The following MPDZ variants were observed in gnomAD, a reference collection of about 807,000 sequenced individuals.
The protein encoded by MPDZ is multiple PDZ domain protein.
MPDZ carries 234 observed loss-of-function variants against 239.1 expected under a neutral mutation model. The observed-to-expected ratio is 0.98, with a 90% CI of 0.88 to 1.09. The LOEUF is 1.09. Among genes scored for constraint, MPDZ ranks in the 50% least tolerant of loss-of-function variants. MPDZ has a pLI of 0.00. For synonymous variants in MPDZ, 1,048 were observed against 881.3 expected, an observed-to-expected ratio of 1.19 and a Z score of -3.35; for missense variants, 3,175 against 2,510.0, an observed-to-expected ratio of 1.26 and a Z score of -5.66.
chr9:13,127,510 T>C (rs567509968), intron 32 of MPDZ, among the ~76,000 whole-genome samples: 1 of 152,226 alleles, frequency 6.6e-6, no homozygotes, highest in African/African-American at 2.4e-5. Context: ...TTGCCAGAGC[T>C]AGCCACCTTC....
At chr9:13,172,820 C>T (rs1951969727) in intron 21 of MPDZ, among the ~76,000 whole-genome samples, 1 of 152,160 alleles carries the variant, frequency 6.6e-6, no homozygotes, top group Non-Finnish European at 1.5e-5. Flanking sequence ...TCACTGTTTT[C>T]TTCCAATAAC....
At chr9:13,154,863 T>C (rs1949631332) in intron 24 of MPDZ, among the ~76,000 whole-genome samples, 1 of 152,080 alleles carries the variant, frequency 6.6e-6, no homozygotes, top group Non-Finnish European at 1.5e-5. Flanking sequence ...AAAATGATCA[T>C]ATGATGTGGT....
At chr9:13,241,896 A>G (rs1965498524) in intron 3 of MPDZ, among the ~76,000 whole-genome samples, 1 of 152,186 alleles carries the variant, frequency 6.6e-6, no homozygotes, top group African/African-American at 2.4e-5. Context: ...TCCACCTAAC[A>G]AACTCTGCTT....
chr9:13,160,518 T>C (rs1950331873), intron 23 of MPDZ, among the ~76,000 whole-genome samples: 1 of 152,000 alleles, frequency 6.6e-6, no homozygotes, highest in African/African-American at 2.4e-5. Flanking sequence ...AGATGTTACC[T>C]GGTGTATTCT....
intron 2 of MPDZ, 90 bp downstream of exon 2, chr9:13,250,210 T>A: frequency 1.6e-6 from 2 of 1,238,378 alleles, no homozygotes; most frequent in Non-Finnish European, 2.3e-6. Flanking sequence ...ATAGACAGAA[T>A]CCTGCTATGT....
intron 3 of MPDZ, among the ~76,000 whole-genome samples, chr9:13,230,220 C>T (rs565605895): frequency 1.3e-5 from 2 of 152,200 alleles, no homozygotes; most frequent in African/African-American, 4.8e-5. Flanking sequence ...TAAAATGGTA[C>T]ACCCCACTGA....
At chr9:13,215,394 A>G (rs1958172469) in intron 10 of MPDZ, among the ~76,000 whole-genome samples, 1 of 151,256 alleles carries the variant, frequency 6.6e-6, no homozygotes, top group Non-Finnish European at 1.5e-5. Flanking sequence ...ATGTGTCTAT[A>G]TATCTATATA....
chr9:13,156,888 A>G (rs1374229321), intron 24 of MPDZ, among the ~76,000 whole-genome samples: 1 of 152,114 alleles, frequency 6.6e-6, no homozygotes, highest in Non-Finnish European at 1.5e-5. Context: ...CCACAGATCT[A>G]GCACTTATAC....
At chr9:13,189,810 T>A (rs28661411) in intron 16 of MPDZ, among the ~76,000 whole-genome samples, 6,491 of 152,214 alleles carry the variant, frequency 0.043, 438 homozygotes, top group African/African-American at 0.15. Context: ...CACTAAAATA[T>A]GAGTCATCAA....
chr9:13,126,658 C>T, intron 33 of MPDZ, 22 bp downstream of exon 33: 2 of 1,612,754 alleles, frequency 1.2e-6, no homozygotes, highest in Non-Finnish European at 1.7e-6. Flanking sequence ...TACTTAATGA[C>T]AGCAAGAAAG....
intron 22 of MPDZ, chr9:13,165,234 C>A: frequency 2.3e-6 from 2 of 854,714 alleles, no homozygotes; most frequent in South Asian, 2.2e-5. Flanking sequence ...ACAAAGAAAA[C>A]AATCTAAAAT....
chr9:13,138,839 C>A (rs1286445186), intron 28 of MPDZ, among the ~76,000 whole-genome samples: 2 of 152,188 alleles, frequency 1.3e-5, no homozygotes, highest in African/African-American at 4.8e-5. Flanking sequence ...CAACAGCCAG[C>A]ACTACTTGAC....
intron 18 of MPDZ, among the ~76,000 whole-genome samples, chr9:13,185,077 T>G (rs1490099843): frequency 1.3e-4 from 20 of 152,054 alleles, no homozygotes; most frequent in Admixed American, 1.3e-3. Flanking sequence ...TTGCTATGGC[T>G]GGGTACTATT....
chr9:13,257,304 C>A (rs144133242), intron 1 of MPDZ, among the ~76,000 whole-genome samples: 1 of 152,246 alleles, frequency 6.6e-6, no homozygotes, highest in African/African-American at 2.4e-5. Context: ...ACAATAGCCT[C>A]CCGTGCCTGA....
intron 12 of MPDZ, among the ~76,000 whole-genome samples, chr9:13,198,863 C>T (rs1173178605): frequency 1.3e-5 from 2 of 150,076 alleles, no homozygotes; most frequent in East Asian, 4.0e-4. Context: ...CTCTAGACTG[C>T]TTTGGCTATT....
intron 3 of MPDZ, among the ~76,000 whole-genome samples, chr9:13,232,882 A>C (rs1391266663): frequency 6.6e-6 from 1 of 150,916 alleles, no homozygotes; most frequent in East Asian, 1.9e-4. Flanking sequence ...AAAAAAAAAA[A>C]CCAGGAACTT....
intron 12 of MPDZ, among the ~76,000 whole-genome samples, chr9:13,196,452 C>T (rs960086872): frequency 6.6e-6 from 1 of 152,138 alleles, no homozygotes; most frequent in South Asian, 2.1e-4. Context: ...TATTTTAAAT[C>T]TTTACCTCCA....
At position 13,190,339 on chromosome 9, in the gene MPDZ, A is replaced by G. The variant is rs186268160; in HGVS notation, c.1969-40T>C. 53 of 1,456,420 alleles carry G rather than the reference A, an allele frequency of 3.6e-5. No individual in the cohort carries two copies. The African/African-American group carries it at 6.6e-4, about 18-fold the overall frequency. The allele number at this position is 1,456,420 out of a possible 1,614,324, so 90.2% of individuals were successfully genotyped here. On this transcript the variant is annotated intron_variant, in intron 15 of 46. Transcript: ENST00000319217. ...ACAGCTCTTATTTCAGAGGCATTGCATTAGCTGACACACATACCAACACTA... is the reference window on the plus strand; with the variant it reads ...ACAGCTCTTATTTCAGAGGCATTGCGTTAGCTGACACACATACCAACACTA...
chr9:13,219,430 T>G, intron 8 of MPDZ, 129 bp downstream of exon 8: 2 of 794,248 alleles, frequency 2.5e-6, no homozygotes, highest in Non-Finnish European at 4.0e-6. Flanking sequence ...CATCCCTACA[T>G]TTGAATTTCA....
Sources: allele counts gnomAD v4.1 joint callset (sites outside exome capture counted in the v4.1 genomes callset), GRCh38; gene constraint gnomAD v4.1.1; transcripts MANE v1.5; gene names NCBI Gene and HGNC (gene_info 2026-07-23, HGNC 2026-07-21).